ATP2A2: variants seen among roughly 807,000 people sequenced by gnomAD.
ATP2A2 encodes the protein sarcoplasmic/endoplasmic reticulum calcium ATPase 2.
ATP2A2 carries 14 observed loss-of-function variants against 109.3 expected under a neutral mutation model. The ratio of observed to expected loss-of-function variants is 0.13; its 90% CI spans 0.08 to 0.20. ATP2A2 has a LOEUF of 0.20. Among genes scored for constraint, ATP2A2 ranks in the 10% least tolerant of loss-of-function variants. ATP2A2 has a pLI of 1.00. For missense variants in ATP2A2, 657 were observed against 1,321.6 expected, an observed-to-expected ratio of 0.50 and a Z score of 7.80; for synonymous variants, 506 against 490.9, an observed-to-expected ratio of 1.03 and a Z score of -0.41.
At chr12:110,344,795 T>C (rs1879684974) in intron 16 of ATP2A2, 91 bp from the exon 17 acceptor site, 1 of 1,265,176 alleles carries the variant, frequency 7.9e-7, no homozygotes, top group African/African-American at 1.5e-5. Context: ...ATGTCTTTGA[T>C]CTTCGTCCTT....
rs1357084447 is a variant in ATP2A2 at position 110,350,019 on chromosome 12, T to G, written c.*3549T>G. On this transcript the variant is annotated 3_prime_UTR_variant, in exon 20 of 20. Transcript: ENST00000539276. ...GCTGCTTTCACAGCTGCAACGATTG[T>G]GTCTGCCTCATGGGGTTTTCCTCCA... The G allele has an allele frequency of 1.5e-5, 20 of 1,376,412 alleles. No individual in the cohort carries two copies. Among genetic ancestry groups the G allele is most frequent in the Non-Finnish European group, 1.9e-5 (20 of 1,064,844 alleles). The allele number at this position is 1,376,412 out of a possible 1,614,324, so 85.3% of individuals were successfully genotyped here. A position where few individuals can be genotyped will look rare whatever the true frequency, so the allele number is the denominator to read the frequency against.
At chr12:110,345,819 A>T (rs1879792955) in intron 18 of ATP2A2, 182 bp from the exon 19 acceptor site, 1 of 691,478 alleles carries the variant, frequency 1.4e-6, no homozygotes, top group South Asian at 1.6e-5. Context: ...TACAGAATTC[A>T]CAGTTTGTCC....
chr12:110,308,628 G>T (rs528548975), intron 5 of ATP2A2, among the ~76,000 whole-genome samples: 3 of 152,196 alleles, frequency 2.0e-5, no homozygotes, highest in African/African-American at 7.2e-5. Flanking sequence ...GACTATACAC[G>T]TTGAGCCTTT....
Position 110,324,094 on chromosome 12 carries a change from G to T in ATP2A2, c.544+1022G>T, listed in dbSNP as rs184826047. ...ATAAAAGCACAATCTAGGGTGGAGGGTTCATACTAACTGGAAGTAAGTTTG... is the reference window on the plus strand; with the variant it reads ...ATAAAAGCACAATCTAGGGTGGAGGTTTCATACTAACTGGAAGTAAGTTTG... On this transcript the variant is annotated intron_variant, in intron 6 of 19. Coordinates refer to ENST00000539276, the MANE Select transcript of ATP2A2 (RefSeq NM_170665.4). Among the ~76,000 whole-genome samples, 15 of 152,240 alleles carry T rather than the reference G, an allele frequency of 9.9e-5. No homozygotes were observed. In the East Asian group the frequency reaches 2.1e-3, roughly 22 times the overall value.
intron 11 of ATP2A2, among the ~76,000 whole-genome samples, chr12:110,338,802 CT>C (rs1879086480): frequency 6.6e-6 from 1 of 152,312 alleles, no homozygotes; most frequent in East Asian, 1.9e-4. Flanking sequence ...CTTTTGAGGT[CT>C]TAATGACCTG....
chr12:110,326,286 C>A, intron 6 of ATP2A2, 104 bp from the exon 7 acceptor site: 1 of 1,095,022 alleles, frequency 9.1e-7, no homozygotes. Flanking sequence ...TTTTCTCACA[C>A]TAACAGTATC....
At chr12:110,298,496 G>A (rs917607799) in intron 5 of ATP2A2, among the ~76,000 whole-genome samples, 2 of 152,206 alleles carry the variant, frequency 1.3e-5, no homozygotes, top group African/African-American at 2.4e-5. Context: ...GAGGTGGGCA[G>A]ATCATGAGGT....
Position 110,323,084 on chromosome 12 carries a change from A to C in ATP2A2, c.544+12A>C. 1 of 1,584,874 alleles carries C rather than the reference A, an allele frequency of 6.3e-7. No homozygotes were observed. The highest frequency in any genetic ancestry group is 8.7e-7 in the Non-Finnish European group (1 of 1,153,486). ...GTCAATTCTCACAGGTAAATATGAT[A>C]TATTAAGTCATTGAATTTCTGAAGA... is the stretch of plus-strand genomic sequence containing the variant. On this transcript the variant is annotated intron_variant, in intron 6 of 19. Coordinates refer to ENST00000539276, the MANE Select transcript of ATP2A2 (RefSeq NM_170665.4).
In ATP2A2 at chr12:110,337,900, C is replaced by A. The variant is rs1175524598; in HGVS notation, c.1420-1381C>A. Among the ~76,000 whole-genome samples, 3 of 152,338 alleles carry A rather than the reference C, an allele frequency of 2.0e-5. No homozygotes were observed. In the East Asian group the frequency reaches 5.8e-4, roughly 29 times the overall value. ...GCAGTATTATACTGGCATTCCTGGT[C>A]TGTGTAATAGGCAAGAAAAGTACAA... On this transcript the variant is annotated intron_variant, in intron 11 of 19. Transcript: ENST00000539276.
Position 110,323,216 on chromosome 12 carries a change from G to A in ATP2A2, c.544+144G>A, listed in dbSNP as rs114230839. 8.1e-3 allele frequency: 5,960 copies of A among 733,338 alleles called. 21 individuals carry two copies. The highest frequency in any genetic ancestry group is 9.4e-3 in the Non-Finnish European group (3,930 of 419,486). The allele number at this position is 733,338 out of a possible 1,614,324, so 45.4% of individuals were successfully genotyped here. ...ACTTATTTCTTAGTGCTTTAGTCTC[G>A]CTCCATTGCCCAGGCTGGAGTGCAG... On this transcript the variant is annotated intron_variant, in intron 6 of 19. Transcript: ENST00000539276.
intron 5 of ATP2A2, among the ~76,000 whole-genome samples, chr12:110,321,484 G>A (rs1199263075): frequency 6.6e-6 from 1 of 152,038 alleles, no homozygotes; most frequent in Non-Finnish European, 1.5e-5. Flanking sequence ...TATTATTGTT[G>A]TTTTGAGACA....
At chr12:110,329,624 G>A (rs1878145116) in intron 8 of ATP2A2, 1 of 151,794 alleles carries the variant, frequency 6.6e-6, no homozygotes, top group Non-Finnish European at 1.5e-5. Context: ...CTCCATGTTG[G>A]TCAGGCTGGT....
chr12:110,350,356 T>C lies in ATP2A2; in HGVS notation c.*3886T>C, dbSNP rs1592875865. Reference sequence around the variant, plus strand: ...ATGTAAGGGTGTTCGGTTGCGTGCATGTGCGTTTTTAGCAACACATCTACC... The same window carrying C: ...ATGTAAGGGTGTTCGGTTGCGTGCACGTGCGTTTTTAGCAACACATCTACC... On this transcript the variant is annotated 3_prime_UTR_variant, in exon 20 of 20. Transcript: ENST00000539276. The C allele has an allele frequency of 1.9e-6, 3 of 1,614,178 alleles. No homozygotes were observed. Among genetic ancestry groups the C allele is most frequent in the African/African-American group, 2.7e-5 (2 of 75,068 alleles).
At position 110,346,862 on chromosome 12, in the gene ATP2A2, C is replaced by T. The variant is rs1879916587; in HGVS notation, c.*392C>T. On this transcript the variant is annotated 3_prime_UTR_variant, in exon 20 of 20. Coordinates refer to ENST00000539276, the MANE Select transcript of ATP2A2 (RefSeq NM_170665.4). ...TGGTTTTTTTTCTAAAACTAAATAGCATGTATTGTGTCTTTTGCATGATGA... is the reference window on the plus strand; with the variant it reads ...TGGTTTTTTTTCTAAAACTAAATAGTATGTATTGTGTCTTTTGCATGATGA... The T allele has an allele frequency of 5.9e-5, 66 of 1,116,198 alleles. No individual in the cohort carries two copies. In the South Asian group the frequency reaches 1.4e-3, roughly 24 times the overall value. The allele number at this position is 1,116,198 out of a possible 1,614,324, so 69.1% of individuals were successfully genotyped here. A position where few individuals can be genotyped will look rare whatever the true frequency, so the allele number is the denominator to read the frequency against.
At chr12:110,345,902 C>A in intron 18 of ATP2A2, 99 bp from the exon 19 acceptor site, 1 of 1,214,504 alleles carries the variant, frequency 8.2e-7, no homozygotes, top group Non-Finnish European at 1.2e-6. Context: ...GCCACATTAA[C>A]AGCCGCCTTA....
chr12:110,291,642 T>C (rs1418172324), intron 3 of ATP2A2, among the ~76,000 whole-genome samples: 3 of 34,788 alleles, frequency 8.6e-5, no homozygotes, highest in Non-Finnish European at 1.5e-4. Context: ...GCTAGCCACT[T>C]TTTTTTTTTT....
chr12:110,319,223 G>GAAAAAAAAAAAAAAAAA (rs59623372), intron 5 of ATP2A2, among the ~76,000 whole-genome samples: 4 of 63,434 alleles, frequency 6.3e-5, no homozygotes, highest in Admixed American at 4.2e-4. Context: ...AATAAAAAAT[G>GAAAAAAAAAAAAAAAAA]AAAAAAAAAA....
In ATP2A2 at chr12:110,348,894, A is replaced by AACTG. The variant is rs1373791615; in HGVS notation, c.*2428_*2431dup. 1.0e-6 allele frequency: 1 copy of AACTG among 985,330 alleles called. No homozygotes were observed. The highest frequency in any genetic ancestry group is 1.2e-6 in the Non-Finnish European group (1 of 829,950). The allele number at this position is 985,330 out of a possible 1,614,324, so 61.0% of individuals were successfully genotyped here. On this transcript the variant is annotated 3_prime_UTR_variant, in exon 20 of 20. Transcript: ENST00000539276. ...GCAAGGAGTGCATCTCTGGGCTGCA[A>AACTG]ACTGACTTGAGTGCTGCACTATTGC...
intron 5 of ATP2A2, among the ~76,000 whole-genome samples, chr12:110,312,003 C>T (rs1463581050): frequency 1.3e-5 from 2 of 151,980 alleles, no homozygotes; most frequent in Non-Finnish European, 2.9e-5. Flanking sequence ...GGAAAGACCC[C>T]GTCTCTAAAA....
Sources: allele counts gnomAD v4.1 joint callset (sites outside exome capture counted in the v4.1 genomes callset), GRCh38; gene constraint gnomAD v4.1.1; transcripts MANE v1.5; gene names NCBI Gene and HGNC (gene_info 2026-07-23, HGNC 2026-07-21).